Variants in SUGT1 observed in about 807,000 individuals in gnomAD.
SUGT1 encodes protein SGT1 homolog.
Under a neutral mutation model 56.1 loss-of-function variants are expected in SUGT1, and 15 were observed. That is an observed-to-expected ratio of 0.27 (90% confidence interval 0.18 to 0.41). SUGT1 has a LOEUF of 0.41. Among genes scored for constraint, SUGT1 ranks in the 10% least tolerant of loss-of-function variants. The probability of loss-of-function intolerance (pLI) is 1.00; values close to 1 mark genes in which losing one functional copy is unlikely to be tolerated. For synonymous variants in SUGT1, 123 were observed against 128.6 expected (o/e 0.96, Z 0.30); for missense variants, 347 against 382.2 (o/e 0.91, Z 0.77).
chr13:52,699,529 A>T lies in SUGT1; in HGVS notation c.*11694A>T, dbSNP rs1018345400. 1 of 152,220 alleles carries T rather than the reference A, an allele frequency of 6.6e-6. No homozygotes were observed. Among genetic ancestry groups the T allele is most frequent in the South Asian group, 2.1e-4 (1 of 4,834 alleles). The allele number at this position is 152,220 out of a possible 1,614,324, so 9.4% of individuals were successfully genotyped here. On this transcript the variant is annotated 3_prime_UTR_variant, in exon 13 of 13. Transcript: ENST00000310528. ...CCGAGTAGAATTTGTGTTAGGGCACATCCCATGGAGATCTTTTTTACTGCT... is the reference window on the plus strand; with the variant it reads ...CCGAGTAGAATTTGTGTTAGGGCACTTCCCATGGAGATCTTTTTTACTGCT...
chr13:52,660,739 T>A (rs916985502), intron 5 of SUGT1, among the ~76,000 whole-genome samples: 2 of 152,216 alleles, frequency 1.3e-5, no homozygotes, highest in Non-Finnish European at 2.9e-5. Context: ...TGAAGTTATG[T>A]AGTGCCTTGG....
intron 5 of SUGT1, among the ~76,000 whole-genome samples, chr13:52,661,746 A>G (rs1962466397): frequency 6.6e-6 from 1 of 152,202 alleles, no homozygotes; most frequent in Non-Finnish European, 1.5e-5. Context: ...TTTTTGATAT[A>G]ATAGATTTTG....
intron 7 of SUGT1, among the ~76,000 whole-genome samples, chr13:52,663,667 C>G (rs1470902201): frequency 6.6e-6 from 1 of 152,146 alleles, no homozygotes; most frequent in East Asian, 1.9e-4. Flanking sequence ...ATTTTTAAAA[C>G]AATGTTATTT....
Position 52,700,039 on chromosome 13 carries a change from G to A in SUGT1, c.*12204G>A, listed in dbSNP as rs1033314821. ...TGCAAAGGAGCAGGCACAAAGGTGA[G>A]AACAGGAATACGAAACACAACATCT... On this transcript the variant is annotated 3_prime_UTR_variant, in exon 13 of 13. Coordinates refer to ENST00000310528, the MANE Select transcript of SUGT1 (RefSeq NM_006704.5). 6.6e-6 allele frequency: 1 copy of A among 152,130 alleles called. No homozygotes were observed. The highest frequency in any genetic ancestry group is 1.5e-5 in the Non-Finnish European group (1 of 68,002). The allele number at this position is 152,130 out of a possible 1,614,324, so 9.4% of individuals were successfully genotyped here.
At chr13:52,658,341 G>A (rs1221753074) in intron 3 of SUGT1, 58 bp from the exon 4 acceptor site, 60 of 1,597,772 alleles carry the variant, frequency 3.8e-5, no homozygotes, top group Non-Finnish European at 4.9e-5. Flanking sequence ...TTCATATGTT[G>A]TGTGTATTTG....
rs150167825 is a variant in SUGT1 at position 52,656,349 on chromosome 13, C to G, written c.97-1183C>G. ...TGCTTCTAATATGTTCCAACTTAAT[C>G]GTATTTCTTTTCATCACCTCTGTGG... On this transcript the variant is annotated intron_variant, in intron 2 of 12. Coordinates refer to ENST00000310528, the MANE Select transcript of SUGT1 (RefSeq NM_006704.5). Among the ~76,000 whole-genome samples the G allele has an allele frequency of 3.3e-3, 505 of 152,284 alleles. 3 individuals are homozygous for G. Among genetic ancestry groups the G allele is most frequent in the African/African-American group, 0.011 (456 of 41,560 alleles).
At chr13:52,682,051 A>G (rs1399024475) in intron 12 of SUGT1, among the ~76,000 whole-genome samples, 1 of 152,020 alleles carries the variant, frequency 6.6e-6, no homozygotes. Flanking sequence ...CATAGAACCA[A>G]AATATTTCAT....
chr13:52,669,439 C>T (rs1328644030), intron 10 of SUGT1, among the ~76,000 whole-genome samples: 1 of 152,202 alleles, frequency 6.6e-6, no homozygotes, highest in African/African-American at 2.4e-5. Context: ...AGTCCCATGA[C>T]ATTGGCAGAG....
rs746647022 is a variant in SUGT1, at chr13:52,657,527, T to C, written c.97-5T>C. ...TACTGACGCTCCACATGTTTGTTTTTGTAGGAGCTGACTAAGGCTTTGGAA... is the reference window on the plus strand; with the variant it reads ...TACTGACGCTCCACATGTTTGTTTTCGTAGGAGCTGACTAAGGCTTTGGAA... On this transcript the variant is annotated splice_polypyrimidine_tract_variant and splice_region_variant and intron_variant, in intron 2 of 12. Transcript: ENST00000310528. 1 of 1,612,500 alleles carries C rather than the reference T, an allele frequency of 6.2e-7. No homozygotes were observed. The highest frequency in any genetic ancestry group is 1.7e-5 in the Admixed American group (1 of 59,718).
In SUGT1 at chr13:52,687,809, G is replaced by T; in HGVS notation, c.976G>T (p.Asp326Tyr). ...AAGGAAAGTTGAAATCAATCCTCCT[G>T]ATGATATGGAATGGAAAAAGTACTA... ...GKRKVEINPPDDMEWKKY is the reference protein window; with the variant it reads ...GKRKVEINPPYDMEWKKY Residue 326 changes from aspartate (D) to tyrosine (Y), a missense_variant, in exon 13 of 13, where the codon GAT (aspartate) becomes TAT (tyrosine). Physicochemically the swap from Asp to Tyr is radical, Grantham distance 160 (BLOSUM62 -3). Transcript: ENST00000310528. The T allele has an allele frequency of 6.2e-7, 1 of 1,601,574 alleles. No individual in the cohort carries two copies. The highest frequency in any genetic ancestry group is 8.5e-7 in the Non-Finnish European group (1 of 1,174,962).
At chr13:52,660,617 G>T (rs1007299149) in intron 5 of SUGT1, among the ~76,000 whole-genome samples, 6 of 152,098 alleles carry the variant, frequency 3.9e-5, no homozygotes, top group Middle Eastern at 3.2e-3. Context: ...AAAAAGGAGA[G>T]GTCTGGGTGA....
Position 52,676,216 on chromosome 13 carries a change from G to T in SUGT1, c.628-14G>T, listed in dbSNP as rs1385001588. The T allele has an allele frequency of 1.9e-6, 3 of 1,599,566 alleles. No individual in the cohort carries two copies. Among genetic ancestry groups the T allele is most frequent in the Non-Finnish European group, 2.6e-6 (3 of 1,173,008 alleles). ...TTACGTCGAGTAATGGAGTTTATTT[G>T]GTGTTTCCTCCAGATTGAAATTAAA... On this transcript the variant is annotated splice_polypyrimidine_tract_variant and intron_variant, in intron 10 of 12. Transcript: ENST00000310528.
rs1963754208 is a variant in SUGT1 at position 52,690,821 on chromosome 13, A to G, written c.*2986A>G. 1 of 152,196 alleles carries G rather than the reference A, an allele frequency of 6.6e-6. No individual in the cohort carries two copies. The highest frequency in any genetic ancestry group is 1.5e-5 in the Non-Finnish European group (1 of 68,048). The allele number at this position is 152,196 out of a possible 1,614,324, so 9.4% of individuals were successfully genotyped here. A position where few individuals can be genotyped will look rare whatever the true frequency, so the allele number is the denominator to read the frequency against. On this transcript the variant is annotated 3_prime_UTR_variant, in exon 13 of 13. Transcript: ENST00000310528. The stretch of plus-strand genomic sequence containing the variant: ...ATAGGGAGTGAAATGGAATGGAGAA[A>G]GAGGATGGCTTGCATTAATAACTCT...
Position 52,657,539 on chromosome 13 carries a change from C to G in SUGT1, c.104C>G (p.Thr35Ser), listed in dbSNP as rs1283576418. The G allele has an allele frequency of 1.2e-6, 2 of 1,613,438 alleles. No individual in the cohort carries two copies. The highest frequency in any genetic ancestry group is 1.7e-5 in the Admixed American group (1 of 59,940). ...ACATGTTTGTTTTTGTAGGAGCTGA[C>G]TAAGGCTTTGGAACAGAAACCAGAT... ...EDPQAALEEL[T>S]KALEQKPDDA... The change falls in exon 3 of 13, where the codon ACT becomes AGT. Residue 35 changes from threonine to serine, a missense_variant. Coordinates refer to ENST00000310528, the MANE Select transcript of SUGT1 (RefSeq NM_006704.5).
chr13:52,667,865 G>A (rs59641097), intron 10 of SUGT1, among the ~76,000 whole-genome samples: 1,717 of 152,226 alleles, frequency 0.011, 33 homozygotes, highest in African/African-American at 0.039. Flanking sequence ...AAGGAGGGCT[G>A]TGGACCAAAT....
At chr13:52,680,298 C>T (rs1963320534) in intron 12 of SUGT1, 143 bp downstream of exon 12, 1 of 685,010 alleles carries the variant, frequency 1.5e-6, no homozygotes, top group Non-Finnish European at 2.2e-6. Context: ...TTTCTTTTTG[C>T]TCTAAGAGTA....
intron 9 of SUGT1, among the ~76,000 whole-genome samples, chr13:52,666,541 A>G (rs1042662316): frequency 6.6e-6 from 1 of 152,192 alleles, no homozygotes; most frequent in Admixed American, 6.5e-5. Flanking sequence ...TAAATATCAA[A>G]TAGGTGTGAT....
chr13:52,654,846 G>A (rs1186670595), intron 2 of SUGT1, among the ~76,000 whole-genome samples: 3 of 152,244 alleles, frequency 2.0e-5, no homozygotes, highest in Non-Finnish European at 4.4e-5. Context: ...TATTCTAACA[G>A]TGGACATCTG....
intron 12 of SUGT1, 38 bp from the exon 13 acceptor site, chr13:52,687,696 T>G (rs1401415062): frequency 6.8e-7 from 1 of 1,476,040 alleles, no homozygotes; most frequent in Non-Finnish European, 9.1e-7. Context: ...TTTGATTATA[T>G]GGTCCAGGAA....
Sources: allele counts gnomAD v4.1 joint callset (sites outside exome capture counted in the v4.1 genomes callset), GRCh38; gene constraint gnomAD v4.1.1; transcripts MANE v1.5; gene names NCBI Gene and HGNC (gene_info 2026-07-23, HGNC 2026-07-21).